The following FAM168A variants were observed in gnomAD, a reference collection of about 807,000 sequenced individuals.
The protein encoded by FAM168A is protein FAM168A.
In FAM168A, 3 loss-of-function variants were observed where a neutral mutation model predicts 28.5. That is an observed-to-expected ratio of 0.11 (90% CI 0.05 to 0.27). FAM168A has a LOEUF of 0.27. Ranked by LOEUF, FAM168A falls within the 10% of genes least tolerant of loss-of-function variation. The pLI, the probability that FAM168A is intolerant of heterozygous loss-of-function variation, is 1.00. For synonymous variants in FAM168A, 122 were observed against 124.2 expected (o/e 0.98, Z 0.12); for missense variants, 222 against 311.5 (o/e 0.71, Z 2.16).
At chr11:73,544,798 G>T (rs55656986) in intron 1 of FAM168A, among the ~76,000 whole-genome samples, 4 of 91,612 alleles carry the variant, frequency 4.4e-5, no homozygotes, top group Admixed American at 1.5e-4. Context: ...TTTTATATAT[G>T]TAATTATATA....
At chr11:73,530,254 T>C (rs1943500242) in intron 1 of FAM168A, among the ~76,000 whole-genome samples, 1 of 152,212 alleles carries the variant, frequency 6.6e-6, no homozygotes, top group African/African-American at 2.4e-5. Flanking sequence ...TGCCTTACAG[T>C]TCCAAACCAA....
In FAM168A at chr11:73,402,367, G is replaced by A. The variant is rs1324935372; in HGVS notation, c.*4396C>T. 6.6e-6 allele frequency: 1 copy of A among 152,192 alleles called. No individual in the cohort carries two copies. Among genetic ancestry groups the A allele is most frequent in the Non-Finnish European group, 1.5e-5 (1 of 68,060 alleles). 9.4% of individuals were successfully genotyped at this position (152,192 alleles called of 1,614,324 possible). On this transcript the variant is annotated 3_prime_UTR_variant, in exon 8 of 8. Coordinates refer to ENST00000356467, the MANE Select transcript of FAM168A (RefSeq NM_015159.3). ...TCAGTGCCTCGCTGGGAACCTGGATGAGTCCTATCTGTATGAGGAGCCAAA... is the reference window on the plus strand; with the variant it reads ...TCAGTGCCTCGCTGGGAACCTGGATAAGTCCTATCTGTATGAGGAGCCAAA...
At chr11:73,544,669 T>C (rs1590844669) in intron 1 of FAM168A, among the ~76,000 whole-genome samples, 1 of 132,202 alleles carries the variant, frequency 7.6e-6, no homozygotes. Context: ...ATATATTATA[T>C]ATAATTATAT....
intron 1 of FAM168A, among the ~76,000 whole-genome samples, chr11:73,508,994 C>G (rs184144453): frequency 1.1e-3 from 163 of 152,284 alleles, no homozygotes; most frequent in Middle Eastern, 3.4e-3. Flanking sequence ...GTAAGACATG[C>G]CTTTGCTCCT....
chr11:73,504,528 A>T (rs569078363), intron 1 of FAM168A, among the ~76,000 whole-genome samples: 7 of 152,346 alleles, frequency 4.6e-5, no homozygotes, highest in African/African-American at 1.4e-4. Flanking sequence ...GCTGTGGAGA[A>T]ATAAGAACGC....
chr11:73,495,000 T>C (rs978966178), intron 1 of FAM168A, among the ~76,000 whole-genome samples: 3 of 141,894 alleles, frequency 2.1e-5, no homozygotes, highest in South Asian at 2.2e-4. Context: ...AGTGAGACTG[T>C]CTCAAAAAAA....
chr11:73,401,700 G>A lies in FAM168A; in HGVS notation c.*5063C>T, dbSNP rs1029378768. The A allele has an allele frequency of 2.0e-5, 3 of 152,274 alleles. No homozygotes were observed. Among genetic ancestry groups the A allele is most frequent in the African/African-American group, 7.2e-5 (3 of 41,462 alleles). 9.4% of individuals were successfully genotyped at this position (152,274 alleles called of 1,614,324 possible). ...GGACTATCCATGTGGCCATAGGGAAGCAAGTGCTGTTTTGTCCCTTTCTAG... is the reference window on the plus strand; with the variant it reads ...GGACTATCCATGTGGCCATAGGGAAACAAGTGCTGTTTTGTCCCTTTCTAG... On this transcript the variant is annotated 3_prime_UTR_variant, in exon 8 of 8. Coordinates refer to ENST00000356467, the MANE Select transcript of FAM168A (RefSeq NM_015159.3).
Position 73,409,548 on chromosome 11 carries a change from G to T in FAM168A, c.534C>A (p.Ala178=). ...CCATGGCCACACCGTTGGTCCTCGG[G>T]GCGGCAACAGGTGCTGGGTAGATAG... ...PSAIYPAPVA[A]PRTNGVAMGM... Residue 178 remains alanine, a synonymous_variant, in exon 6 of 8, where the codon GCC becomes GCA. Coordinates refer to ENST00000356467, the MANE Select transcript of FAM168A (RefSeq NM_015159.3). 2 of 1,614,038 alleles carry T rather than the reference G, an allele frequency of 1.2e-6. No homozygotes were observed. The highest frequency in any genetic ancestry group is 1.7e-6 in the Non-Finnish European group (2 of 1,179,952).
intron 1 of FAM168A, among the ~76,000 whole-genome samples, chr11:73,569,861 C>CA (rs1293340335): frequency 9.1e-6 from 1 of 110,026 alleles, no homozygotes; most frequent in Non-Finnish European, 1.8e-5. Context: ...AATAAATAAA[C>CA]AAAATAGATG....
intron 2 of FAM168A, among the ~76,000 whole-genome samples, chr11:73,459,408 C>T (rs1026362423): frequency 2.0e-5 from 3 of 150,812 alleles, no homozygotes; most frequent in Non-Finnish European, 4.4e-5. Flanking sequence ...ATGGCGTGAA[C>T]CTGGGAGGCG....
At chr11:73,459,360 C>T (rs1276220652) in intron 2 of FAM168A, among the ~76,000 whole-genome samples, 1 of 151,924 alleles carries the variant, frequency 6.6e-6, no homozygotes, top group African/African-American at 2.4e-5. Context: ...GTGGCATGCG[C>T]CTATAGTCTC....
chr11:73,577,545 G>A (rs1047341647), intron 1 of FAM168A, among the ~76,000 whole-genome samples: 3 of 152,190 alleles, frequency 2.0e-5, no homozygotes, highest in Non-Finnish European at 4.4e-5. Flanking sequence ...GTCATGGGAG[G>A]ATGCAGATGA....
intron 1 of FAM168A, among the ~76,000 whole-genome samples, chr11:73,583,078 G>T (rs769845444): frequency 6.6e-6 from 1 of 152,192 alleles, no homozygotes; most frequent in Non-Finnish European, 1.5e-5. Flanking sequence ...GCCAAGGCAG[G>T]CGGATCACGA....
chr11:73,437,679 A>G (rs1023876417), intron 2 of FAM168A, among the ~76,000 whole-genome samples: 2 of 151,796 alleles, frequency 1.3e-5, no homozygotes, highest in African/African-American at 4.8e-5. Flanking sequence ...CAGCCACTGG[A>G]GTGCAGAGGC....
At chr11:73,476,451 TG>T (rs1867889861) in intron 1 of FAM168A, among the ~76,000 whole-genome samples, 1 of 2,446 alleles carries the variant, frequency 4.1e-4, no homozygotes, top group African/African-American at 2.7e-3. Context: ...CTCCTGATGG[TG>T]GGGTGGGGGT....
chr11:73,446,403 C>T (rs1449484213), intron 2 of FAM168A, among the ~76,000 whole-genome samples: 1 of 152,184 alleles, frequency 6.6e-6, no homozygotes, highest in African/African-American at 2.4e-5. Context: ...CACTGTCCCA[C>T]AATTACCAAG....
At chr11:73,452,813 ATAATAAT>A (rs750586142) in intron 2 of FAM168A, among the ~76,000 whole-genome samples, 3 of 147,008 alleles carry the variant, frequency 2.0e-5, no homozygotes, top group Admixed American at 6.7e-5. Context: ...CAAAAAAAAA[ATAATAAT>A]AATAAGTAAA....
intron 1 of FAM168A, among the ~76,000 whole-genome samples, chr11:73,588,584 C>G (rs1419527974): frequency 6.6e-6 from 1 of 152,044 alleles, no homozygotes; most frequent in Non-Finnish European, 1.5e-5. Context: ...CTCAGCTACA[C>G]GGGAGGCTGA....
intron 1 of FAM168A, among the ~76,000 whole-genome samples, chr11:73,544,905 A>G (rs1289988018): frequency 3.2e-5 from 3 of 93,208 alleles, no homozygotes; most frequent in African/African-American, 9.5e-5. Flanking sequence ...AATATATTAT[A>G]TAATATATAT....
Sources: gnomAD v4.1 joint callset for allele counts (sites outside exome capture counted in the v4.1 genomes callset) on GRCh38, gnomAD v4.1.1 for gene constraint, MANE v1.5 for transcripts, NCBI Gene and HGNC (gene_info 2026-07-23, HGNC 2026-07-21) for gene names.